ARHGEF6: variants seen among roughly 807,000 people sequenced by gnomAD.
ARHGEF6 encodes Rac/Cdc42 guanine nucleotide exchange factor 6.
A neutral mutation model predicts 70.3 loss-of-function variants in ARHGEF6; 9 were observed. The observed-to-expected ratio is 0.13, with a 90% CI of 0.08 to 0.22. The LOEUF is 0.22. Ranked by LOEUF, ARHGEF6 falls within the 10% of genes least tolerant of loss-of-function variation. The pLI is 1.00. For missense variants in ARHGEF6, 470 were observed against 563.0 expected (o/e 0.83, Z 1.67); for synonymous variants, 201 against 207.8 (o/e 0.97, Z 0.28).
intron 6 of ARHGEF6, among the ~76,000 whole-genome samples, chrX:136,725,847 G>GA (rs1280166002): frequency 1.8e-5 from 2 of 109,677 alleles, no homozygotes; most frequent in Admixed American, 9.7e-5. Flanking sequence ...GAAACCACAG[G>GA]AAAAAAAAAG....
intron 12 of ARHGEF6, 53 bp from the exon 13 acceptor site, chrX:136,682,897 T>C (rs1038955896): frequency 2.0e-5 from 20 of 996,498 alleles, no homozygotes; most frequent in Non-Finnish European, 2.7e-5. Context: ...ACTTTATCTG[T>C]TGAGAATTTC....
intron 2 of ARHGEF6, among the ~76,000 whole-genome samples, chrX:136,763,691 G>A (rs943974650): frequency 1.8e-5 from 2 of 111,332 alleles, no homozygotes; most frequent in African/African-American, 6.5e-5. Context: ...CGGGCGTGGT[G>A]GTATGTGCCT....
intron 3 of ARHGEF6, 116 bp downstream of exon 3, chrX:136,747,392 A>T: frequency 1.5e-6 from 1 of 646,357 alleles, no homozygotes; most frequent in Non-Finnish European, 2.5e-6. Context: ...TTGGGGGAGC[A>T]AGGGGAAAAT....
intron 9 of ARHGEF6, among the ~76,000 whole-genome samples, chrX:136,698,027 CA>C (rs1158545201): frequency 9.0e-6 from 1 of 111,647 alleles, no homozygotes; most frequent in African/African-American, 3.3e-5. Flanking sequence ...TGTCTCACCA[CA>C]TAGAGAACAT....
intron 10 of ARHGEF6, among the ~76,000 whole-genome samples, chrX:136,689,868 A>G (rs2076441326): frequency 9.0e-6 from 1 of 111,515 alleles, no homozygotes; most frequent in Non-Finnish European, 1.9e-5. Flanking sequence ...GAATGGCTCA[A>G]GGAGCTAGCT....
chrX:136,767,406 G>A, intron 2 of ARHGEF6: 4 of 755,291 alleles, frequency 5.3e-6, no homozygotes, highest in Non-Finnish European at 6.3e-6. Flanking sequence ...CCTGGACGCG[G>A]GCGAGGAGGG....
chrX:136,755,905 T>C (rs1163287137), intron 2 of ARHGEF6, among the ~76,000 whole-genome samples: 2 of 111,575 alleles, frequency 1.8e-5, no homozygotes, highest in Non-Finnish European at 3.8e-5. Context: ...TAACCATTCA[T>C]TGGTTGATTG....
rs1209254057 is a variant in ARHGEF6, at chrX:136,666,512, T to A, written c.*1517A>T. On this transcript the variant is annotated 3_prime_UTR_variant, in exon 22 of 22. Transcript: ENST00000250617. Reference sequence around the variant, plus strand: ...CTGGGACCACAGGTGTGGGCCACCATGCCTGGCTTCAAGTTTGGTTTTTAA... The same window carrying A: ...CTGGGACCACAGGTGTGGGCCACCAAGCCTGGCTTCAAGTTTGGTTTTTAA... The A allele has an allele frequency of 8.9e-6, 1 of 112,091 alleles. No individual in the cohort carries two copies. 9.2% of individuals were successfully genotyped at this position (112,091 alleles called of 1,213,427 possible).
chrX:136,769,769 C>A (rs1222042504), intron 2 of ARHGEF6, among the ~76,000 whole-genome samples: 2 of 112,214 alleles, frequency 1.8e-5, no homozygotes, highest in Non-Finnish European at 3.8e-5. Flanking sequence ...ACATCAGTGA[C>A]CCTCTACCTA....
chrX:136,693,682 G>T (rs1324877617), intron 9 of ARHGEF6, among the ~76,000 whole-genome samples: 1 of 112,099 alleles, frequency 8.9e-6, no homozygotes, highest in East Asian at 2.8e-4. Context: ...GATATTCTGG[G>T]TTGGACTGGA....
chrX:136,682,891 T>A, intron 12 of ARHGEF6, 47 bp from the exon 13 acceptor site: 3 of 1,015,619 alleles, frequency 3.0e-6, no homozygotes, highest in Non-Finnish European at 4.2e-6. Context: ...TTGGACACTT[T>A]ATCTGTTGAG....
rs1569410787 is a variant in ARHGEF6, at chrX:136,727,329, CTTTCTTTCTT to C, written c.732+4763_732+4772del. ...AGTCTTTCTTTCTTTCTTTCTTTTT[CTTTCTTTCTT>C]TCTTTCTTTCTTTCTTTCTTTCTTT... is the stretch of plus-strand genomic sequence containing the variant. On this transcript the variant is annotated intron_variant, in intron 6 of 21. Transcript: ENST00000250617. Among the ~76,000 whole-genome samples the C allele has an allele frequency of 9.0e-3, 264 of 29,295 alleles. 3 individuals are homozygous for C. The highest frequency in any genetic ancestry group is 0.018 in the African/African-American group (188 of 10,520). The allele number at this position is 29,295 out of a possible 115,157, so 25.4% of individuals were successfully genotyped here. A position where few individuals can be genotyped will look rare whatever the true frequency, so the allele number is the denominator to read the frequency against.
intron 11 of ARHGEF6, among the ~76,000 whole-genome samples, chrX:136,686,621 TACACATATATATATATATATAC>T (rs1569393815): frequency 0.019 from 1,269 of 68,468 alleles, 57 homozygotes; most frequent in African/African-American, 0.092. Context: ...TATATATATA[TACACATATATATATATATATAC>T]ACACATATAT....
chrX:136,687,869 A>T, intron 11 of ARHGEF6, 63 bp downstream of exon 11: 1 of 970,111 alleles, frequency 1.0e-6, no homozygotes, highest in Non-Finnish European at 1.5e-6. Flanking sequence ...TGTTACACAC[A>T]AATCGCTCTT....
chrX:136,716,542 A>C (rs1207588359), intron 6 of ARHGEF6, among the ~76,000 whole-genome samples: 1 of 112,124 alleles, frequency 8.9e-6, no homozygotes, highest in African/African-American at 3.2e-5. Context: ...TACCCAGTAC[A>C]TCATGTCAGG....
At chrX:136,723,117 T>C (rs1378588676) in intron 6 of ARHGEF6, among the ~76,000 whole-genome samples, 1 of 111,617 alleles carries the variant, frequency 9.0e-6, no homozygotes, top group Non-Finnish European at 1.9e-5. Flanking sequence ...AGACAGAAAG[T>C]AGATTAGTGG....
In ARHGEF6 at chrX:136,667,980, C is replaced by T; in HGVS notation, c.*49G>A. The T allele has an allele frequency of 8.3e-7, 1 of 1,204,138 alleles. No individual in the cohort carries two copies. The highest frequency in any genetic ancestry group is 1.1e-6 in the Non-Finnish European group (1 of 889,133). On this transcript the variant is annotated 3_prime_UTR_variant, in exon 22 of 22. Transcript: ENST00000250617. ...AACTGAGTCAAATCATTCAGCGGGACATTTCAAGATGCCCTGAAGGCACAC... is the reference window on the plus strand; with the variant it reads ...AACTGAGTCAAATCATTCAGCGGGATATTTCAAGATGCCCTGAAGGCACAC...
At chrX:136,694,901 C>A (rs751847897) in intron 9 of ARHGEF6, among the ~76,000 whole-genome samples, 27 of 111,745 alleles carry the variant, frequency 2.4e-4, no homozygotes, top group African/African-American at 8.8e-4. Flanking sequence ...TACACGACTG[C>A]ATTTTTAACA....
At position 136,675,035 on chromosome X, in the gene ARHGEF6, G is replaced by A. The variant is rs12008084; in HGVS notation, c.2007C>T (p.Ser669=). ...ILKVIEAYCT[S]ANFQQGHGSS... ...AGCCATGGCCTTGTTGAAAATTTGC[G>A]CTGGTGCAGTAGGCTTCGATCACTT... The change falls in exon 19 of 22, where the codon AGC becomes AGT. Residue 669 remains serine, a synonymous_variant. Coordinates refer to ENST00000250617, the MANE Select transcript of ARHGEF6 (RefSeq NM_004840.3). 4,993 of 1,209,600 alleles carry A rather than the reference G, an allele frequency of 4.1e-3. 128 individuals carry two copies. The African/African-American group carries it at 0.074, about 18-fold the overall frequency.
Sources: allele counts gnomAD v4.1 joint callset (sites outside exome capture counted in the v4.1 genomes callset), GRCh38; gene constraint gnomAD v4.1.1; transcripts MANE v1.5; gene names NCBI Gene and HGNC (gene_info 2026-07-23, HGNC 2026-07-21).